The following HK2 variants were observed in gnomAD, a reference collection of about 807,000 sequenced individuals.
The protein encoded by HK2 is hexokinase-2.
HK2 carries 42 observed loss-of-function variants against 92.9 expected under a neutral mutation model. The observed-to-expected ratio is 0.45, with a 90% confidence interval of 0.35 to 0.58. The LOEUF (loss-of-function observed/expected upper bound fraction) is 0.58. Ranked by LOEUF, HK2 falls within the 20% of genes least tolerant of loss-of-function variation. The pLI is 0.00. For missense variants in HK2, 978 were observed against 1,245.1 expected (o/e 0.79, Z 3.23); for synonymous variants, 422 against 468.0 (o/e 0.90, Z 1.27).
intron 2 of HK2, among the ~76,000 whole-genome samples, chr2:74,856,870 A>T (rs1688708118): frequency 6.6e-6 from 1 of 152,200 alleles, no homozygotes; most frequent in South Asian, 2.1e-4. Context: ...TTGGCGCTGG[A>T]GCACACTGCA....
intron 2 of HK2, among the ~76,000 whole-genome samples, chr2:74,865,424 A>C (rs1255366374): frequency 6.6e-6 from 1 of 152,096 alleles, no homozygotes; most frequent in Non-Finnish European, 1.5e-5. Flanking sequence ...CCCTGTGGTC[A>C]CTGATTCAGC....
At chr2:74,888,085 G>C (rs1417457497) in intron 16 of HK2, 27 bp downstream of exon 16, 6 of 1,611,752 alleles carry the variant, frequency 3.7e-6, no homozygotes, top group African/African-American at 1.3e-5. Context: ...CAGGGTAGCA[G>C]GGGGGCCATG....
intron 3 of HK2, 147 bp downstream of exon 3, chr2:74,867,931 T>A: frequency 1.1e-6 from 1 of 887,876 alleles, no homozygotes; most frequent in Non-Finnish European, 1.9e-6. Context: ...GGGCTCCCTC[T>A]CAGCCGGAGC....
At chr2:74,863,672 A>G (rs1403498909) in intron 2 of HK2, among the ~76,000 whole-genome samples, 1 of 152,178 alleles carries the variant, frequency 6.6e-6, no homozygotes, top group Non-Finnish European at 1.5e-5. Flanking sequence ...ACATTCTCAG[A>G]GCAGTCCACT....
chr2:74,859,722 G>A (rs1410623028), intron 2 of HK2, among the ~76,000 whole-genome samples: 3 of 152,306 alleles, frequency 2.0e-5, no homozygotes, highest in South Asian at 4.1e-4. Flanking sequence ...TACACTGTTG[G>A]TGGGAATGTA....
chr2:74,869,511 CT>C (rs1432405160), intron 3 of HK2, among the ~76,000 whole-genome samples: 1 of 152,184 alleles, frequency 6.6e-6, no homozygotes, highest in Admixed American at 6.5e-5. Flanking sequence ...AATTGTGAAC[CT>C]GGGCAATGGG....
At chr2:74,887,809 C>T (rs978497414) in intron 15 of HK2, 94 bp from the exon 16 acceptor site, 4 of 1,149,428 alleles carry the variant, frequency 3.5e-6, no homozygotes, top group Non-Finnish European at 5.3e-6. Flanking sequence ...TCTGCCACTG[C>T]TGATGCACTG....
chr2:74,853,204 G>A (rs943768110), intron 1 of HK2, among the ~76,000 whole-genome samples: 2 of 152,106 alleles, frequency 1.3e-5, no homozygotes, highest in Non-Finnish European at 2.9e-5. Flanking sequence ...TACACAAAGA[G>A]TCCAGACCTT....
At chr2:74,879,103 G>A (rs1366957118) in intron 9 of HK2, among the ~76,000 whole-genome samples, 182 bp downstream of exon 9, 2 of 152,212 alleles carry the variant, frequency 1.3e-5, no homozygotes, top group Non-Finnish European at 2.9e-5. Context: ...CATATCTGGT[G>A]TGGGTGGAGG....
chr2:74,854,647 A>T (rs961121443), intron 2 of HK2, among the ~76,000 whole-genome samples, 192 bp downstream of exon 2: 5 of 152,212 alleles, frequency 3.3e-5, no homozygotes, highest in African/African-American at 1.2e-4. Flanking sequence ...CCTGGCAGTT[A>T]AGGGAGGGCA....
At chr2:74,845,801 T>C (rs935894720) in intron 1 of HK2, among the ~76,000 whole-genome samples, 1 of 152,252 alleles carries the variant, frequency 6.6e-6, no homozygotes, top group African/African-American at 2.4e-5. Flanking sequence ...ATCCATGTTC[T>C]GCTGTGTGTC....
chr2:74,869,241 A>C (rs967413356), intron 3 of HK2, among the ~76,000 whole-genome samples: 1 of 152,220 alleles, frequency 6.6e-6, no homozygotes, highest in Admixed American at 6.5e-5. Context: ...GCTAGAAGAA[A>C]ATATAGGTAT....
intron 5 of HK2, among the ~76,000 whole-genome samples, chr2:74,873,637 T>C (rs1689152842): frequency 6.6e-6 from 1 of 151,584 alleles, no homozygotes; most frequent in South Asian, 2.1e-4. Context: ...GATTTCCAAG[T>C]AAGAAAGTTG....
rs553711873 is a variant in HK2, at chr2:74,877,703, T to G, written c.1031+382T>G. The stretch of plus-strand genomic sequence containing the variant: ...CCTATTGGCAATTCTCAAAAAGGAC[T>G]CTGTCATGACCCCTGCTTCATAATA... On this transcript the variant is annotated intron_variant, in intron 8 of 17. Coordinates refer to ENST00000290573, the MANE Select transcript of HK2 (RefSeq NM_000189.5). 4.6e-5 allele frequency among the ~76,000 whole-genome samples: 7 copies of G among 152,336 alleles called. No individual in the cohort carries two copies. The South Asian group carries it at 1.4e-3, about 32-fold the overall frequency.
intron 3 of HK2, among the ~76,000 whole-genome samples, chr2:74,869,664 A>G (rs1689048652): frequency 6.6e-6 from 1 of 152,198 alleles, no homozygotes. Flanking sequence ...ACCAGTAAGG[A>G]AAAGGAAACC....
chr2:74,883,421 G>A (rs1307690356), intron 12 of HK2, among the ~76,000 whole-genome samples: 1 of 152,178 alleles, frequency 6.6e-6, no homozygotes, highest in Non-Finnish European at 1.5e-5. Flanking sequence ...TGAGTTGATG[G>A]GAAAGAAAGG....
At chr2:74,847,383 G>T (rs1319248755) in intron 1 of HK2, among the ~76,000 whole-genome samples, 4 of 152,250 alleles carry the variant, frequency 2.6e-5, no homozygotes, top group African/African-American at 9.6e-5. Context: ...GATGATTACT[G>T]AAAAACTTGA....
At chr2:74,890,774 T>C (rs1415945558) in intron 17 of HK2, 23 bp from the exon 18 acceptor site, 1 of 1,614,120 alleles carries the variant, frequency 6.2e-7, no homozygotes, top group South Asian at 1.1e-5. Context: ...GTTTTTCCTG[T>C]GTCTTCCTCC....
At chr2:74,838,383 G>T (rs1688220189) in intron 1 of HK2, among the ~76,000 whole-genome samples, 1 of 151,064 alleles carries the variant, frequency 6.6e-6, no homozygotes, top group Non-Finnish European at 1.5e-5. Context: ...TGGAGGGGTA[G>T]TTCGCAGTTA....
Sources: allele counts gnomAD v4.1 joint callset (sites outside exome capture counted in the v4.1 genomes callset), GRCh38; gene constraint gnomAD v4.1.1; transcripts MANE v1.5; gene names NCBI Gene and HGNC (gene_info 2026-07-23, HGNC 2026-07-21).